The following LUZP1 variants were observed in gnomAD, a reference collection of about 807,000 sequenced individuals.
The protein encoded by LUZP1 is filamin mechanobinding actin cross-linking protein.
LUZP1 carries 25 observed loss-of-function variants against 71.3 expected under a neutral mutation model. The observed-to-expected ratio is 0.35, with a 90% CI of 0.26 to 0.49. LUZP1 has a LOEUF of 0.49. LUZP1 is among the 20% of genes least tolerant of loss of function. LUZP1 has a pLI of 0.99. For synonymous variants in LUZP1, 481 were observed against 506.4 expected (o/e 0.95, Z 0.67); for missense variants, 1,142 against 1,300.8 (o/e 0.88, Z 1.88).
rs1643802801 is a variant in LUZP1, at chr1:23,088,574, T to C, written c.*321A>G. ...CCACCAAGGAGCCGAGAAGAATTTT[T>C]GACTCCTGCTGTGTGCTGGGGACTT... On this transcript the variant is annotated 3_prime_UTR_variant, in exon 5 of 5. Transcript: ENST00000302291. The C allele has an allele frequency of 1.4e-5, 3 of 211,730 alleles. No homozygotes were observed. In the South Asian group the frequency reaches 3.7e-4, roughly 26 times the overall value. 13.1% of individuals were successfully genotyped at this position (211,730 alleles called of 1,614,324 possible).
intron 3 of LUZP1, among the ~76,000 whole-genome samples, chr1:23,097,459 C>G (rs547883260): frequency 6.6e-6 from 1 of 152,066 alleles, no homozygotes; most frequent in Non-Finnish European, 1.5e-5. Flanking sequence ...TCCAAGAGCA[C>G]GTGACCAAGA....
At chr1:23,108,702 T>G (rs1347763962) in intron 3 of LUZP1, among the ~76,000 whole-genome samples, 3 of 152,204 alleles carry the variant, frequency 2.0e-5, no homozygotes, top group Non-Finnish European at 2.9e-5. Flanking sequence ...TTCCTTGTGG[T>G]GATGACAACA....
intron 2 of LUZP1, among the ~76,000 whole-genome samples, chr1:23,164,607 C>T (rs1482926712): frequency 6.6e-6 from 1 of 152,144 alleles, no homozygotes; most frequent in Admixed American, 6.5e-5. Flanking sequence ...AGGTTCCAGG[C>T]ATTTTCTAAG....
intron 2 of LUZP1, among the ~76,000 whole-genome samples, chr1:23,127,419 T>C (rs899966601): frequency 1.3e-5 from 2 of 152,210 alleles, no homozygotes; most frequent in African/African-American, 4.8e-5. Flanking sequence ...AGAAAACATT[T>C]GATATTTACT....
intron 3 of LUZP1, among the ~76,000 whole-genome samples, chr1:23,101,306 C>T (rs1234580631): frequency 6.6e-6 from 1 of 152,166 alleles, no homozygotes; most frequent in Non-Finnish European, 1.5e-5. Flanking sequence ...ACATAAGTCA[C>T]AACAAACAGT....
At chr1:23,117,189 T>A (rs765110717) in intron 2 of LUZP1, among the ~76,000 whole-genome samples, 9 of 152,184 alleles carry the variant, frequency 5.9e-5, no homozygotes, top group Non-Finnish European at 1.2e-4. Context: ...CAACATGCTA[T>A]AAGGGAAAAC....
chr1:23,099,365 A>G (rs990058475), intron 3 of LUZP1, among the ~76,000 whole-genome samples: 1 of 152,226 alleles, frequency 6.6e-6, no homozygotes, highest in Non-Finnish European at 1.5e-5. Context: ...ATTCATCTAT[A>G]AAGTGCTTTA....
At chr1:23,167,373 A>C (rs1202757184) in intron 2 of LUZP1, among the ~76,000 whole-genome samples, 1 of 152,152 alleles carries the variant, frequency 6.6e-6, no homozygotes, top group East Asian at 1.9e-4. Context: ...AAACATCCCC[A>C]AAAGGCAGGG....
intron 3 of LUZP1, among the ~76,000 whole-genome samples, chr1:23,098,577 A>T (rs1385953701): frequency 6.6e-6 from 1 of 152,258 alleles, no homozygotes; most frequent in Non-Finnish European, 1.5e-5. Flanking sequence ...AATGCTGGAA[A>T]GAGTGACGTT....
At chr1:23,157,493 A>G (rs1189033864) in intron 2 of LUZP1, among the ~76,000 whole-genome samples, 1 of 151,956 alleles carries the variant, frequency 6.6e-6, no homozygotes, top group Non-Finnish European at 1.5e-5. Flanking sequence ...CCTGGGTAAC[A>G]TATCAAGACC....
At chr1:23,108,629 T>A (rs540026388) in intron 3 of LUZP1, among the ~76,000 whole-genome samples, 8 of 152,232 alleles carry the variant, frequency 5.3e-5, no homozygotes, top group African/African-American at 1.9e-4. Flanking sequence ...ATAATGCAGG[T>A]TTGAAACCTA....
chr1:23,145,961 A>C (rs992091785), intron 2 of LUZP1, among the ~76,000 whole-genome samples: 1 of 152,248 alleles, frequency 6.6e-6, no homozygotes, highest in Non-Finnish European at 1.5e-5. Flanking sequence ...ACATGGATTA[A>C]GGAAGCAAAC....
intron 2 of LUZP1, among the ~76,000 whole-genome samples, chr1:23,164,849 C>A (rs902508421): frequency 5.3e-5 from 8 of 152,162 alleles, no homozygotes; most frequent in African/African-American, 1.9e-4. Flanking sequence ...ATTATTTGAA[C>A]AACCATAATT....
chr1:23,140,503 C>T (rs927424952), intron 2 of LUZP1: 2 of 152,190 alleles, frequency 1.3e-5, no homozygotes, highest in African/African-American at 4.8e-5. Context: ...TCAACTACCA[C>T]TGCAATGCCT....
At chr1:23,103,995 G>C (rs551636334) in intron 3 of LUZP1, among the ~76,000 whole-genome samples, 4 of 151,336 alleles carry the variant, frequency 2.6e-5, no homozygotes, top group Non-Finnish European at 5.9e-5. Flanking sequence ...CAGCATGGCT[G>C]ACACCAGAGA....
intron 2 of LUZP1, among the ~76,000 whole-genome samples, chr1:23,139,014 AAAAAAATATAT>A (rs1295735731): frequency 3.0e-5 from 3 of 101,088 alleles, no homozygotes; most frequent in African/African-American, 1.4e-4. Context: ...AAAAAAAAAA[AAAAAAATATAT>A]ATATATATAT....
intron 2 of LUZP1, among the ~76,000 whole-genome samples, chr1:23,119,028 A>T (rs1243293183): frequency 6.6e-6 from 1 of 152,194 alleles, no homozygotes; most frequent in African/African-American, 2.4e-5. Context: ...AAAAAGCCAC[A>T]GGTAGGTTGT....
chr1:23,092,519 G>A, exon 4 of LUZP1: 3 of 1,614,156 alleles, frequency 1.9e-6, no homozygotes, highest in Non-Finnish European at 2.5e-6. Context: ...CAGCCTTTTT[G>A]CCTTTAGAGA....
intron 2 of LUZP1, among the ~76,000 whole-genome samples, chr1:23,154,819 G>A (rs1644410285): frequency 6.6e-6 from 1 of 150,834 alleles, no homozygotes; most frequent in Admixed American, 6.7e-5. Context: ...CTCCCAAAGT[G>A]CTGGGATTCT....
Sources: allele counts gnomAD v4.1 joint callset (sites outside exome capture counted in the v4.1 genomes callset), GRCh38; gene constraint gnomAD v4.1.1; transcripts MANE v1.5; gene names NCBI Gene and HGNC (gene_info 2026-07-23, HGNC 2026-07-21).